The following LALBA variants were observed in gnomAD, a reference collection of about 807,000 sequenced individuals.
LALBA encodes lactalbumin alpha, also known as alpha-lactalbumin.
A neutral mutation model predicts 13.4 loss-of-function variants in LALBA; 12 were observed. The ratio of observed to expected loss-of-function variants is 0.89; its 90% CI spans 0.57 to 1.45. The LOEUF is 1.45. Among genes scored for constraint, LALBA ranks in the 40% most tolerant of loss-of-function variants. LALBA has a pLI of 0.00. For missense variants in LALBA, 145 were observed against 165.9 expected (o/e 0.87, Z 0.69); for synonymous variants, 64 against 61.0 (o/e 1.05, Z -0.23).
intron 3 of LALBA, 106 bp downstream of exon 3, chr12:48,568,411 T>C (rs755274022): frequency 5.4e-6 from 4 of 740,380 alleles, no homozygotes; most frequent in African/African-American, 1.8e-5. Flanking sequence ...TCAGACACTG[T>C]ATTCTAGATT....
At chr12:48,570,898 G>A (rs1938624659), upstream of LALBA, among the ~76,000 whole-genome samples, 1 of 150,024 alleles carries the variant, frequency 6.7e-6, no homozygotes, top group Non-Finnish European at 1.5e-5. Context: ...GAACACTTGA[G>A]CACAGGAGGT....
chr12:48,570,259 G>T (rs1938617598), upstream of LALBA, among the ~76,000 whole-genome samples: 1 of 152,114 alleles, frequency 6.6e-6, no homozygotes, highest in African/African-American at 2.4e-5. Flanking sequence ...TGGCCAGAAA[G>T]AGTTCAAACC....
At position 48,567,761 on chromosome 12, in the gene LALBA, T is replaced by C. The variant is rs113682506; in HGVS notation, c.*196A>G. 8.0e-4 allele frequency: 448 copies of C among 557,066 alleles called. 5 individuals are homozygous for C. The highest frequency in any genetic ancestry group is 7.8e-3 in the African/African-American group (411 of 52,658). 34.5% of individuals were successfully genotyped at this position (557,066 alleles called of 1,614,324 possible). The stretch of plus-strand genomic sequence containing the variant: ...TGAAAGTGCCATCGAAGGCACTGAG[T>C]AAGGGTCTAGAGCTCAGTGCACCAC... On this transcript the variant is annotated 3_prime_UTR_variant, in exon 4 of 4. Transcript: ENST00000301046.
intron 3 of LALBA, 28 bp from the exon 4 acceptor site, chr12:48,568,045 AGTT>A (rs1938589041): frequency 6.5e-7 from 1 of 1,550,286 alleles, no homozygotes; most frequent in Non-Finnish European, 8.8e-7. Context: ...GGACAAGGTG[AGTT>A]AGCTGACTGA....
At chr12:48,571,038 C>G (rs1938626802), upstream of LALBA, among the ~76,000 whole-genome samples, 1 of 151,626 alleles carries the variant, frequency 6.6e-6, no homozygotes. Flanking sequence ...ATCAGATTCC[C>G]CACCCCTAAC....
At chr12:48,569,368 T>A (rs1938604777) in intron 1 of LALBA, 128 bp from the exon 2 acceptor site, 1 of 767,848 alleles carries the variant, frequency 1.3e-6, no homozygotes, top group Non-Finnish European at 2.1e-6. Flanking sequence ...AGTTTCTTGA[T>A]GAGATGGAGA....
upstream of LALBA, chr12:48,570,127 G>T: frequency 8.4e-7 from 1 of 1,190,334 alleles, no homozygotes; most frequent in Non-Finnish European, 1.2e-6. Context: ...CATCTAGGAA[G>T]AGAATGAAGA....
chr12:48,568,358 G>C (rs1938592288), intron 3 of LALBA, 159 bp downstream of exon 3: 1 of 650,116 alleles, frequency 1.5e-6, no homozygotes, highest in East Asian at 2.7e-5. Context: ...CGGAGCGAGA[G>C]AGGCTTAATA....
Position 48,568,527 on chromosome 12 carries a change from T to C in LALBA, c.358A>G (p.Ile120Val). Residue 120 changes from isoleucine to valine, a missense_variant, in exon 3 of 4, where the codon ATT becomes GTT. Transcript: ENST00000301046. ...CAKKILDIKG[I>V]DYWLAHKALC... ...AGAATAAGGATTCACCAGTAGTCAATTCCTTTAATATCCAGGATCTTCTTG... is the reference window on the plus strand; with the variant it reads ...AGAATAAGGATTCACCAGTAGTCAACTCCTTTAATATCCAGGATCTTCTTG... 6.4e-7 allele frequency: 1 copy of C among 1,567,506 alleles called. No homozygotes were observed. The highest frequency in any genetic ancestry group is 2.2e-5 in the East Asian group (1 of 44,656).
chr12:48,568,182 T>C (rs750953348), intron 3 of LALBA, 165 bp from the exon 4 acceptor site: 25 of 646,470 alleles, frequency 3.9e-5, no homozygotes, highest in Non-Finnish European at 6.1e-5. Flanking sequence ...ATAAAAAATA[T>C]CCAAGAAAAT....
In LALBA at chr12:48,569,921, T is replaced by C. The variant is rs1938613078; in HGVS notation, c.100A>G (p.Ile34Val). 6.2e-7 allele frequency: 1 copy of C among 1,614,098 alleles called. No homozygotes were observed. Among genetic ancestry groups the C allele is most frequent in the Non-Finnish European group, 8.5e-7 (1 of 1,180,012 alleles). Reference protein sequence around the residue: ...KCELSQLLKDIDGYGGIALPE... With the variant: ...KCELSQLLKDVDGYGGIALPE... Reference sequence around the variant, plus strand: ...AAAGCGATGCCTCCATAACCATCTATGTCTTTCAGCAGCTGGGACAGCTCA... The same window carrying C: ...AAAGCGATGCCTCCATAACCATCTACGTCTTTCAGCAGCTGGGACAGCTCA... Residue 34 changes from isoleucine to valine, a missense_variant, in exon 1 of 4, where the codon ATA becomes GTA. Coordinates refer to ENST00000301046, the MANE Select transcript of LALBA (RefSeq NM_002289.3).
At chr12:48,568,436 T>C (rs1592225029) in intron 3 of LALBA, 81 bp downstream of exon 3, 1 of 808,844 alleles carries the variant, frequency 1.2e-6, no homozygotes, top group Admixed American at 2.1e-5. Flanking sequence ...GACCAAGAGA[T>C]AGGGTAAGAG....
At chr12:48,569,661 C>T (rs1456803123) in intron 1 of LALBA, among the ~76,000 whole-genome samples, 5 of 151,810 alleles carry the variant, frequency 3.3e-5, no homozygotes, top group Admixed American at 1.3e-4. Context: ...TGCAGTGAGC[C>T]GAGATTACAC....
intron 2 of LALBA, 145 bp downstream of exon 2, chr12:48,568,937 C>T: frequency 7.2e-6 from 5 of 698,382 alleles, no homozygotes; most frequent in Non-Finnish European, 1.2e-5. Flanking sequence ...CAGCTTCTTA[C>T]TCAGTACTGC....
intron 2 of LALBA, among the ~76,000 whole-genome samples, 200 bp from the exon 3 acceptor site, chr12:48,568,792 G>A (rs542853186): frequency 1.3e-5 from 2 of 152,264 alleles, no homozygotes; most frequent in East Asian, 3.9e-4. Flanking sequence ...ATCTCTGGAG[G>A]AATCATCAGC....
At chr12:48,568,195 T>A (rs376472858) in intron 3 of LALBA, 178 bp from the exon 4 acceptor site, 2 of 636,662 alleles carry the variant, frequency 3.1e-6, no homozygotes, top group East Asian at 2.7e-5. Context: ...AAGAAAATTG[T>A]AGGGTTAAAA....
At chr12:48,569,568 C>T (rs935499639) in intron 1 of LALBA, among the ~76,000 whole-genome samples, 7 of 152,060 alleles carry the variant, frequency 4.6e-5, no homozygotes, top group African/African-American at 7.2e-5. Context: ...ACAAAATTAG[C>T]CAGGCATGGT....
Position 48,567,766 on chromosome 12 carries a change from G to C in LALBA, c.*191C>G, listed in dbSNP as rs1159867429. On this transcript the variant is annotated 3_prime_UTR_variant, in exon 4 of 4. Coordinates refer to ENST00000301046, the MANE Select transcript of LALBA (RefSeq NM_002289.3). ...GTGCCATCGAAGGCACTGAGTAAGG[G>C]TCTAGAGCTCAGTGCACCACTCAGG... 5.1e-6 allele frequency: 3 copies of C among 584,928 alleles called. No homozygotes were observed. The highest frequency in any genetic ancestry group is 3.0e-5 in the East Asian group (1 of 33,646). The allele number at this position is 584,928 out of a possible 1,614,324, so 36.2% of individuals were successfully genotyped here.
chr12:48,569,326 TC>T (rs1242117077), intron 1 of LALBA, 86 bp from the exon 2 acceptor site: 4 of 1,157,292 alleles, frequency 3.5e-6, no homozygotes, highest in African/African-American at 1.6e-5. Flanking sequence ...AAAAATGCTT[TC>T]CAGCCAATCT....
Sources: allele counts gnomAD v4.1 joint callset (sites outside exome capture counted in the v4.1 genomes callset), GRCh38; gene constraint gnomAD v4.1.1; transcripts MANE v1.5; gene names NCBI Gene and HGNC (gene_info 2026-07-23, HGNC 2026-07-21).